COPG2: variants seen among roughly 807,000 people sequenced by gnomAD.
COPG2 encodes coatomer subunit gamma-2.
A neutral mutation model predicts 46.3 loss-of-function variants in COPG2; 37 were observed. The observed-to-expected ratio is 0.80, with a 90% CI of 0.61 to 1.05. The LOEUF is 1.05. Among genes scored for constraint, COPG2 ranks in the 50% least tolerant of loss-of-function variants. The pLI is 0.00. For synonymous variants in COPG2, 159 were observed against 129.7 expected, an observed-to-expected ratio of 1.23 and a Z score of -1.53; for missense variants, 427 against 387.8, an observed-to-expected ratio of 1.10 and a Z score of -0.85.
chr7:130,646,763 GC>G (rs2116219561), intron 5 of COPG2, among the ~76,000 whole-genome samples: 1 of 151,748 alleles, frequency 6.6e-6, no homozygotes, highest in East Asian at 1.9e-4. Flanking sequence ...TTTTTGCTGT[GC>G]TTTCACTCTT....
intron 8 of COPG2, 45 bp from the exon 9 acceptor site, chr7:130,611,155 T>C: frequency 2.6e-6 from 4 of 1,531,542 alleles, no homozygotes; most frequent in South Asian, 1.2e-5. Flanking sequence ...TAGAAAGATG[T>C]CAAAATATTT....
intron 4 of COPG2, among the ~76,000 whole-genome samples, chr7:130,660,510 G>A (rs1180551970): frequency 2.0e-5 from 3 of 151,978 alleles, no homozygotes; most frequent in African/African-American, 7.3e-5. Context: ...CTACAGGTGG[G>A]GAAGCTTATG....
chr7:130,509,667 G>A (rs1554440748), intron 20 of COPG2: 1 of 518,874 alleles, frequency 1.9e-6, no homozygotes, highest in South Asian at 1.4e-5. Context: ...ATAAGCTTAT[G>A]TGCCAGACAC....
At chr7:130,526,087 C>T (rs943976371) in intron 20 of COPG2, among the ~76,000 whole-genome samples, 3 of 151,718 alleles carry the variant, frequency 2.0e-5, no homozygotes, top group Non-Finnish European at 4.4e-5. Context: ...AAGGAAGTGG[C>T]GGGACTGGCT....
At chr7:130,638,923 G>A (rs537561103) in intron 5 of COPG2, among the ~76,000 whole-genome samples, 3 of 152,346 alleles carry the variant, frequency 2.0e-5, no homozygotes, top group African/African-American at 7.2e-5. Context: ...GTAGTATCTG[G>A]GCTGAAGTGC....
intron 14 of COPG2, among the ~76,000 whole-genome samples, chr7:130,554,201 CA>C (rs1793580438): frequency 6.6e-6 from 1 of 151,674 alleles, no homozygotes; most frequent in East Asian, 2.0e-4. Context: ...TATAGAAACA[CA>C]TAAACAAATT....
chr7:130,650,346 A>G (rs377083755), intron 5 of COPG2, among the ~76,000 whole-genome samples: 5 of 152,202 alleles, frequency 3.3e-5, no homozygotes, highest in African/African-American at 1.2e-4. Context: ...CCTGCCTACC[A>G]CAACTACTAA....
chr7:130,535,967 T>C (rs927966814), intron 20 of COPG2, among the ~76,000 whole-genome samples: 152 of 152,060 alleles, frequency 1.0e-3, no homozygotes, highest in African/African-American at 3.4e-3. Flanking sequence ...GAAGTCTCTC[T>C]GGGGGCACCT....
At chr7:130,639,376 C>T (rs1795417291) in intron 5 of COPG2, among the ~76,000 whole-genome samples, 1 of 152,218 alleles carries the variant, frequency 6.6e-6, no homozygotes, top group South Asian at 2.1e-4. Flanking sequence ...AGAATCCCTA[C>T]AACTGGGTCA....
intron 6 of COPG2, among the ~76,000 whole-genome samples, chr7:130,614,089 A>G (rs1222287075): frequency 1.3e-5 from 2 of 152,234 alleles, no homozygotes; most frequent in African/African-American, 4.8e-5. Flanking sequence ...TCTGAGATAC[A>G]TAAAGAATTA....
intron 9 of COPG2, among the ~76,000 whole-genome samples, chr7:130,582,096 A>AT (rs1301551498): frequency 3.3e-5 from 5 of 150,740 alleles, no homozygotes; most frequent in African/African-American, 9.7e-5. Context: ...ACTTCAAACT[A>AT]TACTACAAGG....
rs782603307 is a variant in COPG2 at position 130,625,376 on chromosome 7, T to C, written c.324-8311A>G. On this transcript the variant is annotated intron_variant, in intron 5 of 23. Coordinates refer to ENST00000425248, the MANE Select transcript of COPG2 (RefSeq NM_012133.6). ...TTACTTCTTTGTTAACTCATTCTTA[T>C]GTTTCAACTTGGTTTCTCTTGCCTA... 8.8e-4 allele frequency among the ~76,000 whole-genome samples: 134 copies of C among 152,246 alleles called. 2 individuals carry two copies. The highest frequency in any genetic ancestry group is 3.1e-4 in the Non-Finnish European group (21 of 68,044).
At chr7:130,645,288 C>A in intron 5 of COPG2, 1 of 622,550 alleles carries the variant, frequency 1.6e-6, no homozygotes, top group South Asian at 1.4e-5. Flanking sequence ...CCACAAAATA[C>A]TCCTTCACGA....
intron 20 of COPG2, among the ~76,000 whole-genome samples, chr7:130,540,838 C>T (rs895405812): frequency 6.6e-6 from 1 of 151,936 alleles, no homozygotes; most frequent in Non-Finnish European, 1.5e-5. Flanking sequence ...GGTCTCTGGA[C>T]ATGGACCCCC....
intron 20 of COPG2, among the ~76,000 whole-genome samples, chr7:130,518,013 A>C (rs1321965621): frequency 6.6e-6 from 1 of 152,272 alleles, no homozygotes; most frequent in Non-Finnish European, 1.5e-5. Flanking sequence ...CTAGCTCTTC[A>C]AGTCTTGATG....
chr7:130,532,364 G>GAT (rs1799835842), intron 20 of COPG2, among the ~76,000 whole-genome samples: 3 of 152,164 alleles, frequency 2.0e-5, no homozygotes, highest in African/African-American at 4.8e-5. Context: ...GACAGCAGGG[G>GAT]ATCTGTTGTC....
At chr7:130,668,517 C>T in intron 1 of COPG2, 115 bp downstream of exon 1, 1 of 906,996 alleles carries the variant, frequency 1.1e-6, no homozygotes, top group Non-Finnish European at 1.5e-6. Context: ...CAGCTCCGGC[C>T]CCCTGGCACG....
Position 130,645,950 on chromosome 7 carries a change from ACCACTT to A in COPG2, c.323+6913_323+6918del, listed in dbSNP as rs373980221. Reference sequence around the variant, plus strand: ...ACAGGTCCACTTTTGCTTTGACTGGACCACTTCCACTTCCACCTCTTGGTAGCTATT... The same window carrying A: ...ACAGGTCCACTTTTGCTTTGACTGGACCACTTCCACCTCTTGGTAGCTATT... On this transcript the variant is annotated intron_variant, in intron 5 of 23. Transcript: ENST00000425248. Among the ~76,000 whole-genome samples, 309 of 152,282 alleles carry A rather than the reference ACCACTT, an allele frequency of 2.0e-3. 2 individuals are homozygous for A. Among genetic ancestry groups the A allele is most frequent in the African/African-American group, 6.7e-3 (280 of 41,562 alleles).
chr7:130,623,817 T>C (rs1370791878), intron 5 of COPG2, among the ~76,000 whole-genome samples: 1 of 151,864 alleles, frequency 6.6e-6, no homozygotes, highest in Admixed American at 6.6e-5. Context: ...AGACCTTGTC[T>C]CAAGGAAAAA....
Sources: gnomAD v4.1 joint callset for allele counts (sites outside exome capture counted in the v4.1 genomes callset) on GRCh38, gnomAD v4.1.1 for gene constraint, MANE v1.5 for transcripts, NCBI Gene and HGNC (gene_info 2026-07-23, HGNC 2026-07-21) for gene names.